The following ARHGAP18 variants were observed in gnomAD, a reference collection of about 807,000 sequenced individuals.
The protein encoded by ARHGAP18 is rho GTPase-activating protein 18.
A neutral mutation model predicts 86.2 loss-of-function variants in ARHGAP18; 67 were observed. The observed-to-expected ratio is 0.78, with a 90% CI of 0.64 to 0.95. The LOEUF (loss-of-function observed/expected upper bound fraction) is 0.95. Among genes scored for constraint, ARHGAP18 ranks in the 40% least tolerant of loss-of-function variants. The pLI is 0.00. For missense variants in ARHGAP18, 691 were observed against 780.4 expected, an observed-to-expected ratio of 0.89 and a Z score of 1.37; for synonymous variants, 283 against 280.4, an observed-to-expected ratio of 1.01 and a Z score of -0.09.
Position 129,611,630 on chromosome 6 carries a change from C to T in ARHGAP18, c.1045-20G>A, listed in dbSNP as rs755650479. The T allele has an allele frequency of 6.2e-7, 1 of 1,607,004 alleles. No homozygotes were observed. The highest frequency in any genetic ancestry group is 8.5e-7 in the Non-Finnish European group (1 of 1,174,372). On this transcript the variant is annotated intron_variant, in intron 7 of 14. Transcript: ENST00000368149. Reference sequence around the variant, plus strand: ...AATCAGCTGTGCATAAACAGAGAAACATTCTAATTTCCGTATTTGTAACAG... The same window carrying T: ...AATCAGCTGTGCATAAACAGAGAAATATTCTAATTTCCGTATTTGTAACAG...
chr6:129,680,359 G>C (rs1259159464), intron 1 of ARHGAP18, among the ~76,000 whole-genome samples: 2 of 152,140 alleles, frequency 1.3e-5, no homozygotes, highest in East Asian at 1.9e-4. Context: ...CAAAAGCAAG[G>C]TTCTCTACTC....
Position 129,605,972 on chromosome 6 carries a change from T to C in ARHGAP18, c.1283-13A>G, listed in dbSNP as rs1218594187. 4 of 1,610,172 alleles carry C rather than the reference T, an allele frequency of 2.5e-6. No individual in the cohort carries two copies. Among genetic ancestry groups the C allele is most frequent in the Admixed American group, 3.3e-5 (2 of 59,932 alleles). On this transcript the variant is annotated splice_polypyrimidine_tract_variant and intron_variant, in intron 9 of 14. Coordinates refer to ENST00000368149, the MANE Select transcript of ARHGAP18 (RefSeq NM_033515.3). The stretch of plus-strand genomic sequence containing the variant: ...TTGGTTGGAAGATCTGCAGACAAAT[T>C]AAATAAATCTGAACTCTTTTCTTCA...
intron 1 of ARHGAP18, among the ~76,000 whole-genome samples, chr6:129,698,253 A>G (rs1235022007): frequency 6.6e-6 from 1 of 152,138 alleles, no homozygotes; most frequent in African/African-American, 2.4e-5. Flanking sequence ...ACATGTATTC[A>G]TTTTCAAAAA....
chr6:129,706,512 G>C (rs187212518), intron 1 of ARHGAP18, among the ~76,000 whole-genome samples: 2 of 152,288 alleles, frequency 1.3e-5, no homozygotes, highest in African/African-American at 2.4e-5. Context: ...TAATGGAATG[G>C]AGAAAATTTA....
chr6:129,618,100 C>T (rs1789133405), intron 6 of ARHGAP18, among the ~76,000 whole-genome samples: 1 of 138,624 alleles, frequency 7.2e-6, no homozygotes, highest in Non-Finnish European at 1.5e-5. Context: ...AAGCAAGGTA[C>T]TTACAAAAAA....
At chr6:129,648,312 CAGG>C (rs1358561635) in intron 1 of ARHGAP18, among the ~76,000 whole-genome samples, 1 of 151,962 alleles carries the variant, frequency 6.6e-6, no homozygotes, top group Non-Finnish European at 1.5e-5. Flanking sequence ...GGTGGGACTA[CAGG>C]CACACACCAC....
chr6:129,707,961 G>A (rs965661171), intron 1 of ARHGAP18, among the ~76,000 whole-genome samples: 12 of 151,790 alleles, frequency 7.9e-5, no homozygotes, highest in African/African-American at 2.7e-4. Context: ...CCAGTTCACC[G>A]CCCCGAAACC....
At position 129,612,125 on chromosome 6, in the gene ARHGAP18, T is replaced by TAC. The variant is rs541844920; in HGVS notation, c.1045-517_1045-516dup. Among the ~76,000 whole-genome samples, 37 of 152,348 alleles carry TAC rather than the reference T, an allele frequency of 2.4e-4. No homozygotes were observed. The East Asian group carries it at 6.7e-3, about 28-fold the overall frequency. ...GTCCTTGTATATGGCCTCTAAGTCATACCTGATGCCCAATGAATACGCTGA... is the reference window on the plus strand; with the variant it reads ...GTCCTTGTATATGGCCTCTAAGTCATACACCTGATGCCCAATGAATACGCTGA... On this transcript the variant is annotated intron_variant, in intron 7 of 14. Transcript: ENST00000368149.
chr6:129,658,143 A>T (rs1773877744), intron 1 of ARHGAP18, among the ~76,000 whole-genome samples: 1 of 152,240 alleles, frequency 6.6e-6, no homozygotes. Flanking sequence ...TACAAGAAAC[A>T]TCCTACAAAA....
rs188860757 is a variant in ARHGAP18 at position 129,623,938 on chromosome 6, A to T, written c.787-5086T>A. Among the ~76,000 whole-genome samples, 60 of 152,216 alleles carry T rather than the reference A, an allele frequency of 3.9e-4. 2 individuals are homozygous for T. The highest frequency in any genetic ancestry group is 2.2e-4 in the Non-Finnish European group (15 of 68,038). On this transcript the variant is annotated intron_variant, in intron 5 of 14. Transcript: ENST00000368149. ...TGAGCTAGTCTCTGAAGAATAGATT[A>T]AAGTTTCCTTGGCAAATATGGAACA...
chr6:129,664,489 T>G (rs2114521861), intron 1 of ARHGAP18, among the ~76,000 whole-genome samples: 1 of 152,144 alleles, frequency 6.6e-6, no homozygotes, highest in South Asian at 2.1e-4. Context: ...TTCCCAGGAA[T>G]AGAGATGTTA....
At chr6:129,627,957 T>C (rs1373099903) in intron 5 of ARHGAP18, among the ~76,000 whole-genome samples, 1 of 152,104 alleles carries the variant, frequency 6.6e-6, no homozygotes, top group African/African-American at 2.4e-5. Flanking sequence ...AATTCAGAGA[T>C]GTATTTCAAA....
chr6:129,659,266 C>T (rs529922920), intron 1 of ARHGAP18, among the ~76,000 whole-genome samples: 51 of 152,266 alleles, frequency 3.3e-4, no homozygotes, highest in Admixed American at 9.8e-4. Context: ...AGGTTCTCCT[C>T]GTAGAGCCCA....
intron 7 of ARHGAP18, among the ~76,000 whole-genome samples, chr6:129,615,877 G>A (rs1254965519): frequency 1.3e-5 from 2 of 152,122 alleles, no homozygotes; most frequent in Non-Finnish European, 2.9e-5. Context: ...ATATACACAG[G>A]CATGAAATAT....
intron 1 of ARHGAP18, among the ~76,000 whole-genome samples, chr6:129,681,064 A>G (rs1774317125): frequency 6.6e-6 from 1 of 152,118 alleles, no homozygotes. Context: ...ATCCTTAATC[A>G]GAAGTTTTTT....
At chr6:129,625,832 ATACATTTATATATTATATAT>A (rs1393097757) in intron 5 of ARHGAP18, among the ~76,000 whole-genome samples, 6 of 76,318 alleles carry the variant, frequency 7.9e-5, no homozygotes, top group Middle Eastern at 7.1e-3. Context: ...ATTATATATT[ATACATTTATATATTATATAT>A]TATATTTATA....
chr6:129,611,745 A>G lies in ARHGAP18; in HGVS notation c.1045-135T>C. The G allele has an allele frequency of 1.3e-5, 9 of 677,924 alleles. No individual in the cohort carries two copies. In the South Asian group the frequency reaches 1.5e-4, roughly 12 times the overall value. The allele number at this position is 677,924 out of a possible 1,614,324, so 42.0% of individuals were successfully genotyped here. ...TGGATTTTATGAGGTTTTGAATGCTATTTTACTACCACTGTCCTTCAAAAC... is the reference window on the plus strand; with the variant it reads ...TGGATTTTATGAGGTTTTGAATGCTGTTTTACTACCACTGTCCTTCAAAAC... On this transcript the variant is annotated intron_variant, in intron 7 of 14. Transcript: ENST00000368149.
chr6:129,584,264 C>T (rs1028122578), intron 12 of ARHGAP18, 152 bp from the exon 13 acceptor site: 2 of 982,994 alleles, frequency 2.0e-6, no homozygotes, highest in Non-Finnish European at 2.8e-6. Context: ...TGCAAAATTA[C>T]ATCAAACCTC....
At chr6:129,631,827 T>G (rs1487321446) in intron 4 of ARHGAP18, among the ~76,000 whole-genome samples, 1 of 151,948 alleles carries the variant, frequency 6.6e-6, no homozygotes, top group Non-Finnish European at 1.5e-5. Flanking sequence ...GCTATACATA[T>G]CAATATAAAA....
Sources: gnomAD v4.1 joint callset for allele counts (sites outside exome capture counted in the v4.1 genomes callset) on GRCh38, gnomAD v4.1.1 for gene constraint, MANE v1.5 for transcripts, NCBI Gene and HGNC (gene_info 2026-07-23, HGNC 2026-07-21) for gene names.